Variants in APP observed in about 807,000 individuals in gnomAD.
The protein encoded by APP is amyloid beta precursor protein.
APP carries 31 observed loss-of-function variants against 101.4 expected under a neutral mutation model. The observed-to-expected ratio is 0.31, with a 90% CI of 0.23 to 0.41. The LOEUF (loss-of-function observed/expected upper bound fraction) is 0.41, where lower values mean the gene tolerates loss of function less well. Ranked by LOEUF, APP falls within the 10% of genes least tolerant of loss-of-function variation. The pLI is 1.00. For missense variants in APP, 839 were observed against 1,003.7 expected (o/e 0.84, Z 2.22); for synonymous variants, 366 against 364.4 (o/e 1.00, Z -0.05).
chr21:25,949,944 T>A (rs2040991049), intron 13 of APP, among the ~76,000 whole-genome samples: 1 of 152,224 alleles, frequency 6.6e-6, no homozygotes, highest in East Asian at 1.9e-4. Context: ...AAAGTTCAAT[T>A]TCTTCAACTG....
chr21:25,932,725 GA>G (rs1426807764), intron 13 of APP, among the ~76,000 whole-genome samples: 1 of 149,338 alleles, frequency 6.7e-6, no homozygotes, highest in Non-Finnish European at 1.5e-5. Flanking sequence ...GTTTCAACTT[GA>G]AACTAAAAAA....
intron 9 of APP, among the ~76,000 whole-genome samples, chr21:25,977,280 A>T (rs2042259812): frequency 6.6e-6 from 1 of 152,220 alleles, no homozygotes; most frequent in Non-Finnish European, 1.5e-5. Context: ...CAAGTGTATG[A>T]CAAGTAGAAT....
intron 1 of APP, among the ~76,000 whole-genome samples, chr21:26,168,717 T>G (rs2063670928): frequency 6.6e-6 from 1 of 152,196 alleles, no homozygotes; most frequent in South Asian, 2.1e-4. Flanking sequence ...TACAAATAAA[T>G]GTAAGTAAGT....
At chr21:25,970,873 C>T (rs1274343644) in intron 11 of APP, among the ~76,000 whole-genome samples, 1 of 152,092 alleles carries the variant, frequency 6.6e-6, no homozygotes, top group African/African-American at 2.4e-5. Flanking sequence ...TGCACTGTAA[C>T]TTTATCCATA....
intron 17 of APP, among the ~76,000 whole-genome samples, chr21:25,883,773 A>G (rs1254964044): frequency 6.6e-6 from 1 of 152,204 alleles, no homozygotes; most frequent in Non-Finnish European, 1.5e-5. Context: ...CACTTCATGA[A>G]GTGATTGACT....
intron 2 of APP, among the ~76,000 whole-genome samples, chr21:26,111,079 A>G (rs1187157714): frequency 6.9e-6 from 1 of 145,814 alleles, no homozygotes; most frequent in African/African-American, 2.5e-5. Flanking sequence ...CAGGATACAA[A>G]GTTAAGTTAA....
At chr21:26,088,657 A>T (rs988069054) in intron 3 of APP, among the ~76,000 whole-genome samples, 1 of 152,186 alleles carries the variant, frequency 6.6e-6, no homozygotes, top group Admixed American at 6.5e-5. Flanking sequence ...GATGACTTCT[A>T]TATTTTTTTG....
chr21:26,126,342 G>A (rs1015270488), intron 1 of APP, among the ~76,000 whole-genome samples: 5 of 152,206 alleles, frequency 3.3e-5, no homozygotes, highest in Admixed American at 6.5e-5. Flanking sequence ...AGGGAATAAT[G>A]TTGGTGTACA....
At chr21:26,042,231 A>G (rs1157517540) in intron 5 of APP, among the ~76,000 whole-genome samples, 2 of 152,232 alleles carry the variant, frequency 1.3e-5, no homozygotes, top group African/African-American at 4.8e-5. Flanking sequence ...GATACAAATA[A>G]AAAGATATAT....
At chr21:25,903,368 CAA>C (rs937462787) in intron 15 of APP, among the ~76,000 whole-genome samples, 36 of 68,532 alleles carry the variant, frequency 5.3e-4, no homozygotes, top group Admixed American at 8.4e-4. Flanking sequence ...GACTCCATCT[CAA>C]AAAAAAAAAA....
intron 11 of APP, 65 bp downstream of exon 11, chr21:25,975,005 C>T (rs1601084708): frequency 1.2e-6 from 2 of 1,605,730 alleles, no homozygotes; most frequent in Middle Eastern, 3.8e-4. Context: ...TTCCAGTTCC[C>T]AGTGCCCCAC....
intron 3 of APP, among the ~76,000 whole-genome samples, chr21:26,057,915 T>C (rs908685295): frequency 2.0e-5 from 3 of 152,194 alleles, no homozygotes; most frequent in African/African-American, 7.2e-5. Flanking sequence ...AATTTGACAA[T>C]AAAACTAGAC....
At chr21:26,048,130 C>G (rs2045685880) in intron 5 of APP, among the ~76,000 whole-genome samples, 1 of 151,196 alleles carries the variant, frequency 6.6e-6, no homozygotes, top group South Asian at 2.1e-4. Context: ...GCCCGGCCAA[C>G]ATGGTGAAAC....
chr21:25,954,797 C>A (rs2041243477), intron 12 of APP, 108 bp from the exon 13 acceptor site: 6 of 963,264 alleles, frequency 6.2e-6, no homozygotes, highest in Non-Finnish European at 9.5e-6. Flanking sequence ...CTCTGTCGCC[C>A]AGGTTATTTT....
At chr21:25,964,829 A>G (rs1394317077) in intron 11 of APP, among the ~76,000 whole-genome samples, 1 of 151,798 alleles carries the variant, frequency 6.6e-6, no homozygotes, top group Non-Finnish European at 1.5e-5. Context: ...TGAACTCCCG[A>G]CCTCAGGTGA....
intron 17 of APP, among the ~76,000 whole-genome samples, chr21:25,884,794 T>C (rs1294928134): frequency 4.6e-5 from 7 of 152,244 alleles, no homozygotes; most frequent in African/African-American, 1.7e-4. Flanking sequence ...AATATTATAC[T>C]TTTATTTCTT....
intron 6 of APP, among the ~76,000 whole-genome samples, chr21:26,001,260 AC>A (rs2043281613): frequency 1.3e-5 from 2 of 152,190 alleles, no homozygotes; most frequent in South Asian, 4.1e-4. Context: ...TCAATCAGTG[AC>A]CCATCCAATT....
intron 7 of APP, among the ~76,000 whole-genome samples, chr21:25,998,691 AAAGT>A (rs2146672118): frequency 6.6e-6 from 1 of 152,292 alleles, no homozygotes; most frequent in South Asian, 2.1e-4. Context: ...GTCTCTCAAA[AAAGT>A]AATACACAGT....
intron 13 of APP, among the ~76,000 whole-genome samples, chr21:25,951,353 T>C (rs2041067142): frequency 6.6e-6 from 1 of 152,186 alleles, no homozygotes; most frequent in Non-Finnish European, 1.5e-5. Context: ...ATACTGGCAG[T>C]TCCCCAGACT....
Sources: gnomAD v4.1 joint callset for allele counts (sites outside exome capture counted in the v4.1 genomes callset) on GRCh38, gnomAD v4.1.1 for gene constraint, MANE v1.5 for transcripts, NCBI Gene and HGNC (gene_info 2026-07-23, HGNC 2026-07-21) for gene names.